Variants in MALRD1 observed in about 807,000 individuals in gnomAD.
The protein encoded by MALRD1 is MAM and LDL-receptor class A domain-containing protein 1.
A neutral mutation model predicts 242.1 loss-of-function variants in MALRD1; 247 were observed. The ratio of observed to expected loss-of-function variants is 1.02; its 90% CI spans 0.92 to 1.13. The LOEUF (loss-of-function observed/expected upper bound fraction) is 1.13. Among genes scored for constraint, MALRD1 ranks in the 50% most tolerant of loss-of-function variants. MALRD1 has a pLI of 0.00. For missense variants in MALRD1, 2,989 were observed against 2,533.1 expected (o/e 1.18, Z -3.86); for synonymous variants, 995 against 866.6 (o/e 1.15, Z -2.60).
At position 19,450,304 on chromosome 10, in the gene MALRD1, C is replaced by A; in HGVS notation, c.4846-3C>A. 3 of 1,545,808 alleles carry A rather than the reference C, an allele frequency of 1.9e-6. No individual in the cohort carries two copies. The South Asian group carries it at 3.6e-5, about 19-fold the overall frequency. Reference sequence around the variant, plus strand: ...TCCCTCATACAAACTTCTTTACTTTCAGACAGAGAAAGGACTATCAAAAGT... The same window carrying A: ...TCCCTCATACAAACTTCTTTACTTTAAGACAGAGAAAGGACTATCAAAAGT... On this transcript the variant is annotated splice_region_variant and splice_polypyrimidine_tract_variant and intron_variant, in intron 28 of 39. Coordinates refer to ENST00000454679, the MANE Select transcript of MALRD1 (RefSeq NM_001142308.3).
intron 1 of MALRD1, among the ~76,000 whole-genome samples, chr10:19,049,381 A>G (rs1430704098): frequency 5.3e-5 from 8 of 152,212 alleles, no homozygotes; most frequent in South Asian, 2.1e-4. Flanking sequence ...TTTACTGATT[A>G]TGAAGAAGGA....
At chr10:19,070,871 A>G (rs1307727058) in intron 2 of MALRD1, among the ~76,000 whole-genome samples, 1 of 110,560 alleles carries the variant, frequency 9.0e-6, no homozygotes, top group African/African-American at 3.5e-5. Flanking sequence ...TTTTTTCCGG[A>G]GACACAGTCT....
intron 28 of MALRD1, among the ~76,000 whole-genome samples, chr10:19,442,413 G>A (rs1834717755): frequency 6.6e-6 from 1 of 152,150 alleles, no homozygotes; most frequent in Admixed American, 6.5e-5. Context: ...CAAAGGGAAT[G>A]CTTCCAGTGT....
chr10:19,066,289 C>G (rs1834977825), intron 1 of MALRD1, among the ~76,000 whole-genome samples: 4 of 152,050 alleles, frequency 2.6e-5, no homozygotes, highest in Admixed American at 1.3e-4. Context: ...ATGAGGAATC[C>G]ATAGATGCAG....
intron 18 of MALRD1, among the ~76,000 whole-genome samples, chr10:19,227,154 A>T (rs980280839): frequency 7.4e-5 from 11 of 147,712 alleles, no homozygotes; most frequent in Admixed American, 5.4e-4. Context: ...GCTGATTCTA[A>T]TTTTTTTTTT....
intron 33 of MALRD1, among the ~76,000 whole-genome samples, chr10:19,575,670 G>A (rs114369340): frequency 0.018 from 2,749 of 152,230 alleles, 83 homozygotes; most frequent in African/African-American, 0.063. Flanking sequence ...AATGTCTTCA[G>A]TGCCTGTGCA....
At chr10:19,667,594 A>ACTCTCTCTCT (rs140483883) in intron 36 of MALRD1, among the ~76,000 whole-genome samples, 1 of 139,804 alleles carries the variant, frequency 7.2e-6, no homozygotes, top group African/African-American at 2.7e-5. Context: ...CCTCCCTGCC[A>ACTCTCTCTCT]CTCTCTCTCT....
At chr10:19,274,387 A>G (rs891501972) in intron 19 of MALRD1, among the ~76,000 whole-genome samples, 3 of 152,186 alleles carry the variant, frequency 2.0e-5, no homozygotes, top group East Asian at 1.9e-4. Flanking sequence ...CCAACCCCCA[A>G]CGTGATGGTA....
In MALRD1 at chr10:19,203,811, C is replaced by G. The variant is rs746338847; in HGVS notation, c.2035C>G (p.Gln679Glu). The change falls in exon 15 of 40, where the codon CAG becomes GAG. Residue 679 changes from glutamine (Q) to glutamate (E), a missense_variant. Transcript: ENST00000454679. ...CCATTTTGACTGGATACGGAGCTCTCAGAGTGAACTTTCTGCTGATTTTGA... is the reference window on the plus strand; with the variant it reads ...CCATTTTGACTGGATACGGAGCTCTGAGAGTGAACTTTCTGCTGATTTTGA... ...GDHFDWIRSS[Q>E]SELSADFEHQ... 1 of 1,550,518 alleles carries G rather than the reference C, an allele frequency of 6.4e-7. No homozygotes were observed. The highest frequency in any genetic ancestry group is 8.7e-7 in the Non-Finnish European group (1 of 1,146,942).
At chr10:19,113,440 T>C (rs1268764269) in intron 5 of MALRD1, among the ~76,000 whole-genome samples, 1 of 151,620 alleles carries the variant, frequency 6.6e-6, no homozygotes, top group African/African-American at 2.4e-5. Context: ...GACTTTTCTT[T>C]TTCTTCTTCT....
chr10:19,067,827 G>C (rs1835026190), intron 2 of MALRD1, among the ~76,000 whole-genome samples: 1 of 152,070 alleles, frequency 6.6e-6, no homozygotes, highest in Non-Finnish European at 1.5e-5. Context: ...TTGATGTTTA[G>C]TCCATTTCTG....
chr10:19,345,181 T>C (rs1844058659), intron 24 of MALRD1, among the ~76,000 whole-genome samples: 1 of 152,128 alleles, frequency 6.6e-6, no homozygotes, highest in Non-Finnish European at 1.5e-5. Flanking sequence ...CAAGGAAACA[T>C]AACTTCAAAA....
intron 36 of MALRD1, among the ~76,000 whole-genome samples, chr10:19,628,013 G>A (rs1009041853): frequency 6.6e-6 from 1 of 151,676 alleles, no homozygotes; most frequent in Non-Finnish European, 1.5e-5. Flanking sequence ...ACAGAAAAAG[G>A]AAAATAAATG....
intron 34 of MALRD1, among the ~76,000 whole-genome samples, chr10:19,606,419 G>A (rs550018352): frequency 6.6e-6 from 1 of 152,104 alleles, no homozygotes; most frequent in Non-Finnish European, 1.5e-5. Context: ...TGTTCTTGTT[G>A]AACCTGGGTT....
At chr10:19,222,347 C>T (rs939382193) in intron 18 of MALRD1, among the ~76,000 whole-genome samples, 1 of 152,038 alleles carries the variant, frequency 6.6e-6, no homozygotes, top group South Asian at 2.1e-4. Context: ...AGATTTTTGC[C>T]GTGATTATGC....
chr10:19,419,700 C>T (rs528243186), intron 28 of MALRD1, among the ~76,000 whole-genome samples: 1 of 152,224 alleles, frequency 6.6e-6, no homozygotes, highest in African/African-American at 2.4e-5. Context: ...AACATTCCAG[C>T]CCAAAACAGT....
intron 34 of MALRD1, among the ~76,000 whole-genome samples, chr10:19,597,437 G>A (rs1421436371): frequency 6.6e-6 from 1 of 152,170 alleles, no homozygotes; most frequent in African/African-American, 2.4e-5. Context: ...GGCCACGTTA[G>A]AAATAGACTG....
intron 26 of MALRD1, among the ~76,000 whole-genome samples, chr10:19,383,753 C>T (rs1454901371): frequency 6.6e-6 from 1 of 151,662 alleles, no homozygotes; most frequent in Admixed American, 6.6e-5. Context: ...ATAACAAAAA[C>T]TTTATGGGCT....
At chr10:19,337,256 G>A (rs2130942244) in intron 24 of MALRD1, among the ~76,000 whole-genome samples, 1 of 152,208 alleles carries the variant, frequency 6.6e-6, no homozygotes, top group Non-Finnish European at 1.5e-5. Flanking sequence ...TACACAGCTT[G>A]TTAAGAGGTG....
Sources: gnomAD v4.1 joint callset for allele counts (sites outside exome capture counted in the v4.1 genomes callset) on GRCh38, gnomAD v4.1.1 for gene constraint, MANE v1.5 for transcripts, NCBI Gene and HGNC (gene_info 2026-07-23, HGNC 2026-07-21) for gene names.